The following STARD9 variants were observed in gnomAD, a reference collection of about 807,000 sequenced individuals.
STARD9 encodes stAR-related lipid transfer protein 9.
A neutral mutation model predicts 399.8 loss-of-function variants in STARD9; 346 were observed. The ratio of observed to expected loss-of-function variants is 0.87; its 90% CI spans 0.79 to 0.95. The LOEUF (loss-of-function observed/expected upper bound fraction) is 0.95. Ranked by LOEUF, STARD9 falls within the 40% of genes least tolerant of loss-of-function variation. STARD9 has a pLI of 0.00. For missense variants in STARD9, 5,832 were observed against 5,667.5 expected, an observed-to-expected ratio of 1.03 and a Z score of -0.93; for synonymous variants, 2,203 against 2,143.5, an observed-to-expected ratio of 1.03 and a Z score of -0.77.
chr15:42,598,637 TG>T (rs1405251164), intron 3 of STARD9, among the ~76,000 whole-genome samples: 1 of 152,190 alleles, frequency 6.6e-6, no homozygotes. Flanking sequence ...TGTGATATTT[TG>T]ATACAATCTG....
intron 31 of STARD9, 85 bp downstream of exon 31, chr15:42,718,599 C>G: frequency 6.8e-7 from 1 of 1,460,364 alleles, no homozygotes; most frequent in Non-Finnish European, 9.3e-7. Context: ...CTCAGGTCCT[C>G]TAGGGGAAGG....
intron 1 of STARD9, among the ~76,000 whole-genome samples, chr15:42,577,868 C>T (rs1032381826): frequency 6.6e-6 from 1 of 152,220 alleles, no homozygotes; most frequent in Admixed American, 6.5e-5. Flanking sequence ...GTCATTGGCA[C>T]ACACTCAGTT....
intron 3 of STARD9, among the ~76,000 whole-genome samples, chr15:42,613,145 A>G (rs573514329): frequency 6.6e-6 from 1 of 152,226 alleles, no homozygotes; most frequent in South Asian, 2.1e-4. Context: ...TATATCTGTC[A>G]TCTGTATAAT....
intron 1 of STARD9, among the ~76,000 whole-genome samples, chr15:42,580,024 G>A (rs948382234): frequency 2.6e-5 from 4 of 152,182 alleles, no homozygotes; most frequent in African/African-American, 9.7e-5. Flanking sequence ...GCAACAAGAT[G>A]CAAGCAGGGA....
At position 42,692,417 on chromosome 15, in the gene STARD9, T is replaced by C; in HGVS notation, c.10839T>C (p.Gly3613=). 6.5e-7 allele frequency: 1 copy of C among 1,536,972 alleles called. No individual in the cohort carries two copies. The highest frequency in any genetic ancestry group is 8.7e-7 in the Non-Finnish European group (1 of 1,146,900). ...KPPLAKGSAA[G]PVDEIMLLYP... is the part of the protein sequence containing the mutation. ...CCTTGGCCAAAGGAAGTGCTGCAGG[T>C]CCAGTGGATGAGATTATGCTGCTGT... Residue 3613 remains glycine (G), a synonymous_variant, in exon 23 of 33, where the codon GGT becomes GGC. Coordinates refer to ENST00000290607, the MANE Select transcript of STARD9 (RefSeq NM_020759.3).
intron 3 of STARD9, among the ~76,000 whole-genome samples, chr15:42,633,616 A>G (rs1183642977): frequency 6.8e-6 from 1 of 147,272 alleles, no homozygotes; most frequent in African/African-American, 2.5e-5. Context: ...GTCAAGTGAC[A>G]TCTAGTTGTC....
Position 42,685,788 on chromosome 15 carries a change from G to T in STARD9, c.4210G>T (p.Glu1404Ter). 1 of 1,537,256 alleles carries T rather than the reference G, an allele frequency of 6.5e-7. No homozygotes were observed. Residue 1404 changes from glutamate to a stop codon, truncating the protein, a stop_gained, in exon 23 of 33, where the codon GAG (glutamate) becomes TAG (stop). Transcript: ENST00000290607. LOFTEE classifies it high-confidence loss of function. ...CTCCAAACTGCACCAAGGCAGTACT[G>T]AGCTCCTCTGCAGTGCAAGAGATGA... ...YSSKLHQGST[E>*]LLCSARDEHT...
At position 42,694,678 on chromosome 15, in the gene STARD9, C is replaced by A. The variant is rs1022622895; in HGVS notation, c.12915C>A (p.Arg4305=). ...GGGATCTTGACTTGCCCAGCAGACG[C>A]CGAGAATACCTGCAGCAACTGAGGA... The part of the protein sequence containing the change: ...FIWDLDLPSR[R]REYLQQLRKD... Residue 4305 remains arginine (R), a synonymous_variant, in exon 24 of 33, where the codon CGC becomes CGA. Transcript: ENST00000290607. The A allele has an allele frequency of 3.9e-6, 6 of 1,537,020 alleles. No individual in the cohort carries two copies. In the African/African-American group the frequency reaches 8.2e-5, roughly 21 times the overall value.
In STARD9 at chr15:42,689,784, G is replaced by GTAC; in HGVS notation, c.8208_8209insCTA (p.Val2736_Ser2737insLeu). On this transcript the variant is annotated inframe_insertion, in exon 23 of 33. Coordinates refer to ENST00000290607, the MANE Select transcript of STARD9 (RefSeq NM_020759.3). ...ACCTGTGGAGGAGGTCAGGAGGGTA[G>GTAC]TATCAAAGAAGGTAGTGGCTGCCTT... 1 of 1,537,562 alleles carries GTAC rather than the reference G, an allele frequency of 6.5e-7. No individual in the cohort carries two copies. Among genetic ancestry groups the GTAC allele is most frequent in the Non-Finnish European group, 8.7e-7 (1 of 1,146,980 alleles).
At chr15:42,611,761 G>A (rs2058854837) in intron 3 of STARD9, among the ~76,000 whole-genome samples, 1 of 152,120 alleles carries the variant, frequency 6.6e-6, no homozygotes, top group African/African-American at 2.4e-5. Context: ...GGGTGATTAG[G>A]TTATCTCACA....
rs1453084943 is a variant in STARD9, at chr15:42,691,128, C to T, written c.9550C>T (p.His3184Tyr). 1 of 1,537,098 alleles carries T rather than the reference C, an allele frequency of 6.5e-7. No individual in the cohort carries two copies. Among genetic ancestry groups the T allele is most frequent in the African/African-American group, 1.4e-5 (1 of 73,034 alleles). Residue 3184 changes from histidine to tyrosine, a missense_variant, in exon 23 of 33, where the codon CAC becomes TAC. His to Tyr is a moderately conservative substitution (Grantham distance 83). Transcript: ENST00000290607. The stretch of plus-strand genomic sequence containing the variant: ...ACAATTTTCCACTGAGTTGAGGGAT[C>T]ACAATCGCTTGGATTCCCAAGCCAA... ...KPQFSTELRD[H>Y]NRLDSQAKFV...
intron 26 of STARD9, among the ~76,000 whole-genome samples, chr15:42,716,460 C>G (rs911017494): frequency 1.5e-4 from 23 of 152,154 alleles, no homozygotes; most frequent in African/African-American, 5.6e-4. Flanking sequence ...TGTAAGCAGC[C>G]TCTGCCTGTG....
chr15:42,585,804 A>C (rs1352301372), intron 3 of STARD9, among the ~76,000 whole-genome samples, 167 bp downstream of exon 3: 1 of 152,252 alleles, frequency 6.6e-6, no homozygotes, highest in Non-Finnish European at 1.5e-5. Flanking sequence ...ACAGATTTTC[A>C]AAAAGAAGAA....
rs2058955809 is a variant in STARD9 at position 42,615,987 on chromosome 15, C to T, written c.235-18869C>T. 3.9e-5 allele frequency among the ~76,000 whole-genome samples: 6 copies of T among 151,974 alleles called. 1 individual carries two copies. In the South Asian group the frequency reaches 1.2e-3, roughly 32 times the overall value. ...GTATGGAAGGAAACACATCAGGCCACTATTTGAGTACTTCAATGAGTAGGA... is the reference window on the plus strand; with the variant it reads ...GTATGGAAGGAAACACATCAGGCCATTATTTGAGTACTTCAATGAGTAGGA... On this transcript the variant is annotated intron_variant, in intron 3 of 32. Transcript: ENST00000290607.
intron 4 of STARD9, among the ~76,000 whole-genome samples, chr15:42,636,442 A>G (rs2096311154): frequency 6.6e-6 from 1 of 152,020 alleles, no homozygotes; most frequent in Admixed American, 6.6e-5. Context: ...TTAGCCAGAC[A>G]TGGTGGCGTG....
intron 3 of STARD9, among the ~76,000 whole-genome samples, chr15:42,598,522 T>C (rs1291919993): frequency 2.0e-5 from 3 of 151,886 alleles, no homozygotes; most frequent in Non-Finnish European, 4.4e-5. Flanking sequence ...GCATAAAAAA[T>C]GAGGTAGGGC....
Position 42,692,049 on chromosome 15 carries a change from G to T in STARD9, c.10471G>T (p.Ala3491Ser), listed in dbSNP as rs1401558172. 3 of 1,537,140 alleles carry T rather than the reference G, an allele frequency of 2.0e-6. No homozygotes were observed. Among genetic ancestry groups the T allele is most frequent in the Non-Finnish European group, 2.6e-6 (3 of 1,146,924 alleles). Residue 3491 changes from alanine (A) to serine (S), a missense_variant, in exon 23 of 33, where the codon GCA becomes TCA. By Grantham distance (99) the Ala-to-Ser change is moderately conservative. Coordinates refer to ENST00000290607, the MANE Select transcript of STARD9 (RefSeq NM_020759.3). ...ISWKQYMSGS[A>S]VDVSCSQKPQ... ...CTGGAAGCAGTATATGTCTGGCAGT[G>T]CAGTCGATGTTTCCTGCAGCCAGAA...
rs774363307 is a variant in STARD9 at position 42,719,455 on chromosome 15, TTCTC to T, written c.14002-12_14002-9del. The T allele has an allele frequency of 8.7e-6, 13 of 1,501,960 alleles. No individual in the cohort carries two copies. Among genetic ancestry groups the T allele is most frequent in the African/African-American group, 5.5e-5 (4 of 72,298 alleles). 93.0% of individuals were successfully genotyped at this position (1,501,960 alleles called of 1,614,324 possible). On this transcript the variant is annotated splice_polypyrimidine_tract_variant and intron_variant, in intron 32 of 32. Transcript: ENST00000290607. ...TCAAATCTATTTGCACCTTAAATTC[TTCTC>T]TCTCTGCTTTCAGGTGGAACTTGGT...
Position 42,686,141 on chromosome 15 carries a change from C to CCAAGCTTCTAG in STARD9, c.4567_4577dup (p.Gly1527LeufsTer20). 6.5e-7 allele frequency: 1 copy of CCAAGCTTCTAG among 1,537,288 alleles called. No individual in the cohort carries two copies. The highest frequency in any genetic ancestry group is 8.7e-7 in the Non-Finnish European group (1 of 1,146,942). On this transcript the variant is annotated frameshift_variant, in exon 23 of 33. Coordinates refer to ENST00000290607, the MANE Select transcript of STARD9 (RefSeq NM_020759.3). LOFTEE classifies it high-confidence loss of function. ...TTGAGGAAGACTCTGGTTCCCTGGC[C>CCAAGCTTCTAG]CAAGCTTCTAGCAAAGGAGGAGATA... is the stretch of plus-strand genomic sequence containing the variant.
Sources: gnomAD v4.1 joint callset for allele counts (sites outside exome capture counted in the v4.1 genomes callset) on GRCh38, gnomAD v4.1.1 for gene constraint, MANE v1.5 for transcripts, NCBI Gene and HGNC (gene_info 2026-07-23, HGNC 2026-07-21) for gene names.